TNNI3: variants seen among roughly 807,000 people sequenced by gnomAD.
The protein encoded by TNNI3 is troponin I3, cardiac type.
Under a neutral mutation model 31.5 loss-of-function variants are expected in TNNI3, and 23 were observed. The observed-to-expected ratio is 0.73, with a 90% CI of 0.52 to 1.03. TNNI3 has a LOEUF of 1.03. Ranked by LOEUF, TNNI3 falls within the 50% of genes least tolerant of loss-of-function variation. The pLI is 0.00. For missense variants in TNNI3, 236 were observed against 282.9 expected (o/e 0.83, Z 1.19); for synonymous variants, 120 against 111.7 (o/e 1.07, Z -0.47).
chr19:55,154,260 C>T, intron 6 of TNNI3, 54 bp from the exon 7 acceptor site: 3 of 1,557,070 alleles, frequency 1.9e-6, no homozygotes, highest in Non-Finnish European at 2.6e-6. Flanking sequence ...GCACACCCAA[C>T]TCCTCCATCC....
At chr19:55,154,336 C>T (rs1340097170) in intron 6 of TNNI3, 130 bp from the exon 7 acceptor site, 8 of 959,806 alleles carry the variant, frequency 8.3e-6, no homozygotes, top group Non-Finnish European at 1.3e-5. Flanking sequence ...CTCTTCCCGG[C>T]TTAGGCTCCC....
At position 55,154,756 on chromosome 19, in the gene TNNI3, G is replaced by A. The variant is rs761112430; in HGVS notation, c.357C>T (p.Thr119=). The change falls in exon 6 of 8, where the codon ACC becomes ACT. Residue 119 remains threonine (T), a synonymous_variant. Coordinates refer to ENST00000344887, the MANE Select transcript of TNNI3 (RefSeq NM_000363.5). ...TGCGTCCCACCTCCGTGATGTTCTT[G>A]GTGACTTTTGCCTCTATGTCGTATC... is the stretch of plus-strand genomic sequence containing the variant. The part of the protein sequence containing the change: ...EERYDIEAKV[T]KNITEIADLT... The A allele has an allele frequency of 6.2e-7, 1 of 1,614,130 alleles. No individual in the cohort carries two copies. Among genetic ancestry groups the A allele is most frequent in the Non-Finnish European group, 8.5e-7 (1 of 1,179,974 alleles).
chr19:55,154,420 A>G (rs2085714444), intron 6 of TNNI3: 2 of 638,548 alleles, frequency 3.1e-6, no homozygotes, highest in Non-Finnish European at 5.5e-6. Flanking sequence ...AACCACTGGC[A>G]TAACCTGGTC....
At position 55,156,926 on chromosome 19, in the gene TNNI3, A is replaced by G; in HGVS notation, c.108+124T>C. The stretch of plus-strand genomic sequence containing the variant: ...CAATCCGAGCATGACCCTCTGCAAA[A>G]CTCCGCCCCTGAAGCCCCTCCGCGT... On this transcript the variant is annotated intron_variant, in intron 3 of 7. Coordinates refer to ENST00000344887, the MANE Select transcript of TNNI3 (RefSeq NM_000363.5). This position sits in a 1 kb window ranked among gnomAD's most constrained non-coding sequence, Gnocchi z 4.6. 5.2e-6 allele frequency: 6 copies of G among 1,164,018 alleles called. No homozygotes were observed. Among genetic ancestry groups the G allele is most frequent in the Middle Eastern group, 2.7e-4 (1 of 3,652 alleles). 72.1% of individuals were successfully genotyped at this position (1,164,018 alleles called of 1,614,324 possible).
rs368861241 is a variant in TNNI3, at chr19:55,154,095, G to A, written c.484C>T (p.Arg162Trp). 2.3e-5 allele frequency: 37 copies of A among 1,612,806 alleles called. No homozygotes were observed. The highest frequency in any genetic ancestry group is 1.3e-4 in the South Asian group (12 of 91,048). The stretch of plus-strand genomic sequence containing the variant: ...CGCAGGTCCAGGGACTCCTTAGCCC[G>A]GGCCCCCAGCAGCGCCTGCATCATG... ...DAMMQALLGA[R>W]AKESLDLRAH... Residue 162 changes from arginine to tryptophan, a missense_variant, in exon 7 of 8, where the codon CGG becomes TGG. Physicochemically the swap from Arg to Trp is moderately radical, Grantham distance 101. Transcript: ENST00000344887.
rs759595756 is a variant in TNNI3, at chr19:55,157,145, G to A, written c.25-12C>T. 3.1e-6 allele frequency: 5 copies of A among 1,595,600 alleles called. No homozygotes were observed. Among genetic ancestry groups the A allele is most frequent in the Non-Finnish European group, 4.3e-6 (5 of 1,173,006 alleles). On this transcript the variant is annotated splice_polypyrimidine_tract_variant and intron_variant, in intron 2 of 7. Coordinates refer to ENST00000344887, the MANE Select transcript of TNNI3 (RefSeq NM_000363.5). This position sits in a 1 kb window ranked among gnomAD's most constrained non-coding sequence, Gnocchi z 6.3. The stretch of plus-strand genomic sequence containing the variant: ...CGAGGTTCCCTAGCCTGGGTTAGGA[G>A]GAGTGGGGACCCCATCACCACCAAG...
intron 5 of TNNI3, among the ~76,000 whole-genome samples, 159 bp from the exon 6 acceptor site, chr19:55,154,989 G>A (rs2085718401): frequency 6.9e-6 from 1 of 144,814 alleles, no homozygotes; most frequent in African/African-American, 2.6e-5. Flanking sequence ...GAGGAGTTGG[G>A]GGCCTGGACT....
chr19:55,156,097 T>A lies in TNNI3; in HGVS notation c.282+104A>T. 1 of 1,564,634 alleles carries A rather than the reference T, an allele frequency of 6.4e-7. No homozygotes were observed. The stretch of plus-strand genomic sequence containing the variant: ...GTCCCACGAACCATATATAATTGGG[T>A]AAGGACAGCCATATTGGACGCCTGG... On this transcript the variant is annotated intron_variant, in intron 5 of 7. Coordinates refer to ENST00000344887, the MANE Select transcript of TNNI3 (RefSeq NM_000363.5). This position sits in a 1 kb window ranked among gnomAD's most constrained non-coding sequence, Gnocchi z 4.6.
chr19:55,154,861 G>A (rs1422279118), intron 5 of TNNI3, 31 bp from the exon 6 acceptor site: 2 of 1,603,412 alleles, frequency 1.2e-6, no homozygotes, highest in African/African-American at 2.7e-5. Flanking sequence ...GTGTTGTTGG[G>A]GGAACCAAAA....
chr19:55,156,606 C>CA lies in TNNI3; in HGVS notation c.146dup (p.Lys50GlufsTer60), dbSNP rs1162696593. ...TCCCAGTCCCGCCCGTCCTCACCTT[C>CA]AGCTGCAATTTTCTCGAGGCGGAGA... On this transcript the variant is annotated frameshift_variant, in exon 4 of 8. Coordinates refer to ENST00000344887, the MANE Select transcript of TNNI3 (RefSeq NM_000363.5). LOFTEE classifies it high-confidence loss of function. The surrounding 1 kb of genome is among the most constrained non-coding windows in gnomAD (Gnocchi z 4.6). The CA allele has an allele frequency of 6.4e-7, 1 of 1,563,876 alleles. No individual in the cohort carries two copies. The highest frequency in any genetic ancestry group is 8.7e-7 in the Non-Finnish European group (1 of 1,152,578).
Position 55,156,225 on chromosome 19 carries a change from G to C in TNNI3, c.258C>G (p.Ala86=), listed in dbSNP as rs727503508. The C allele has an allele frequency of 1.2e-6, 2 of 1,612,680 alleles. No homozygotes were observed. The highest frequency in any genetic ancestry group is 3.3e-5 in the Admixed American group (2 of 59,990). The change falls in exon 5 of 8, where the codon GCC becomes GCG. Residue 86 remains alanine, a synonymous_variant. Coordinates refer to ENST00000344887, the MANE Select transcript of TNNI3 (RefSeq NM_000363.5). The surrounding 1 kb of genome is among the most constrained non-coding windows in gnomAD (Gnocchi z 4.6). The part of the protein sequence containing the change: ...LSTRCQPLEL[A]GLGFAELQDL... ...CCTGCAGCTCCGCGAAGCCCAGCCC[G>C]GCCAACTCCAGCGGCTGGCAGCGGG...
chr19:55,155,151 T>A (rs1197495716), intron 5 of TNNI3, among the ~76,000 whole-genome samples: 7 of 32,488 alleles, frequency 2.2e-4, no homozygotes, highest in East Asian at 7.9e-4. Context: ...ACTGGACTCC[T>A]GGGTCTGAGG....
At chr19:55,154,322 C>T (rs953230492) in intron 6 of TNNI3, 116 bp from the exon 7 acceptor site, 1 of 1,106,386 alleles carries the variant, frequency 9.0e-7, no homozygotes, top group African/African-American at 1.6e-5. Flanking sequence ...GAGGCCTTAC[C>T]AGTCTCTTCC....
intron 6 of TNNI3, 175 bp from the exon 7 acceptor site, chr19:55,154,381 T>G: frequency 1.4e-6 from 1 of 704,894 alleles, no homozygotes; most frequent in East Asian, 2.7e-5. Flanking sequence ...TGAATCCCCC[T>G]CCTCATATGC....
rs3729838 is a variant in TNNI3 at position 55,156,942 on chromosome 19, C to T, written c.108+108G>A. On this transcript the variant is annotated intron_variant, in intron 3 of 7. Transcript: ENST00000344887. The surrounding 1 kb of genome is among the most constrained non-coding windows in gnomAD (Gnocchi z 4.6). ...CTCTGCAAAACTCCGCCCCTGAAGC[C>T]CCTCCGCGTAGTCCCCGCCCCCTTC... The T allele has an allele frequency of 1.9e-4, 241 of 1,281,078 alleles. 1 individual carries two copies. The East Asian group carries it at 5.3e-3, about 28-fold the overall frequency. The allele number at this position is 1,281,078 out of a possible 1,614,324, so 79.4% of individuals were successfully genotyped here.
rs954643754 is a variant in TNNI3 at position 55,156,451 on chromosome 19, C to T, written c.151-119G>A. 5.1e-5 allele frequency: 77 copies of T among 1,504,438 alleles called. 2 individuals are homozygous for T. In the South Asian group the frequency reaches 9.0e-4, roughly 18 times the overall value. The allele number at this position is 1,504,438 out of a possible 1,614,324, so 93.2% of individuals were successfully genotyped here. On this transcript the variant is annotated intron_variant, in intron 4 of 7. Coordinates refer to ENST00000344887, the MANE Select transcript of TNNI3 (RefSeq NM_000363.5). This position sits in a 1 kb window ranked among gnomAD's most constrained non-coding sequence, Gnocchi z 4.6. ...TTTGGTCTCCACTGTTCCAAGGCCC[C>T]GTCCCACCCCGAGCAGTACTCCCCG...
rs916394261 is a variant in TNNI3 at position 55,157,432 on chromosome 19, G to A, written c.12-124C>T. The A allele has an allele frequency of 6.3e-7, 1 of 1,587,822 alleles. No homozygotes were observed. Among genetic ancestry groups the A allele is most frequent in the Non-Finnish European group, 8.6e-7 (1 of 1,159,236 alleles). On this transcript the variant is annotated intron_variant, in intron 1 of 7. Transcript: ENST00000344887. The surrounding 1 kb of genome is among the most constrained non-coding windows in gnomAD (Gnocchi z 6.3). ...GCGCTTCCCCTTCCTTGGGTTCCAG[G>A]AGTCTGACTCGCAAACCCACTTCCT...
chr19:55,156,170 C>T lies in TNNI3; in HGVS notation c.282+31G>A. On this transcript the variant is annotated intron_variant, in intron 5 of 7. Transcript: ENST00000344887. The surrounding 1 kb of genome is among the most constrained non-coding windows in gnomAD (Gnocchi z 4.6). The stretch of plus-strand genomic sequence containing the variant: ...GAGGCTGTACTGCTGAATTCCGGGA[C>T]TAGAAACCTCGCATCCTTGGGAGCC... The T allele has an allele frequency of 6.2e-7, 1 of 1,612,610 alleles. No homozygotes were observed. The highest frequency in any genetic ancestry group is 1.6e-4 in the Middle Eastern group (1 of 6,062).
In TNNI3 at chr19:55,157,541, G is replaced by T; in HGVS notation, c.11+38C>A. The T allele has an allele frequency of 6.2e-7, 1 of 1,612,668 alleles. No homozygotes were observed. Among genetic ancestry groups the T allele is most frequent in the Non-Finnish European group, 8.5e-7 (1 of 1,179,118 alleles). On this transcript the variant is annotated intron_variant, in intron 1 of 7. Coordinates refer to ENST00000344887, the MANE Select transcript of TNNI3 (RefSeq NM_000363.5). The surrounding 1 kb of genome is among the most constrained non-coding windows in gnomAD (Gnocchi z 6.3). ...GCGACCCCTCTTGGGAACCCGGGAG[G>T]TCGCCCCCAACTCCCACTGCCTTGG...
Sources: gnomAD v4.1 joint callset for allele counts (sites outside exome capture counted in the v4.1 genomes callset) on GRCh38, gnomAD v4.1.1 for gene constraint, Gnocchi (gnomAD v3.1) non-coding constraint, MANE v1.5 for transcripts, NCBI Gene and HGNC (gene_info 2026-07-23, HGNC 2026-07-21) for gene names.